The following DGCR6L variants were observed in gnomAD, a reference collection of about 807,000 sequenced individuals.
DGCR6L encodes DiGeorge syndrome critical region gene 6 like, also known as protein DGCR6L.
In DGCR6L, 24 loss-of-function variants were observed where a neutral mutation model predicts 31.1. The ratio of observed to expected loss-of-function variants is 0.77; its 90% CI spans 0.56 to 1.08. The LOEUF is 1.08. Among genes scored for constraint, DGCR6L ranks in the 50% least tolerant of loss-of-function variants. The probability of loss-of-function intolerance (pLI) is 0.00; values close to 1 mark genes in which losing one functional copy is unlikely to be tolerated. For missense variants in DGCR6L, 218 were observed against 287.1 expected, an observed-to-expected ratio of 0.76 and a Z score of 1.74; for synonymous variants, 104 against 126.1, an observed-to-expected ratio of 0.82 and a Z score of 1.17.
intron 2 of DGCR6L, chr22:20,318,801 GCA>G (rs1327665589): frequency 2.0e-5 from 3 of 152,134 alleles, no homozygotes; most frequent in African/African-American, 7.2e-5. Context: ...CCTGCAATGC[GCA>G]AGACAGCATC....
At chr22:20,318,709 T>A (rs183501428) in intron 2 of DGCR6L, 1 of 152,270 alleles carries the variant, frequency 6.6e-6, no homozygotes, top group African/African-American at 2.4e-5. Flanking sequence ...TTGCTCCCAA[T>A]CCAAGGCCAA....
intron 2 of DGCR6L, among the ~76,000 whole-genome samples, chr22:20,317,938 G>A (rs1281183278): frequency 1.3e-5 from 2 of 152,228 alleles, no homozygotes; most frequent in Admixed American, 6.5e-5. Flanking sequence ...GAAAACTGAA[G>A]AGGAGAGAAC....
chr22:20,314,741 T>G lies in DGCR6L; in HGVS notation c.597A>C (p.Gly199=). ...CAGGCGACTGCCAGGGACCTCCCAG[T>G]CCCAGGGCTGCATTCCCTGCCCGGC... is the stretch of plus-strand genomic sequence containing the variant. The part of the protein sequence containing the change: ...RGCRAGNAAL[G]LGGPWQSPAA... Residue 199 remains glycine (G), a synonymous_variant, in exon 5 of 5, where the codon GGA becomes GGC. Transcript: ENST00000248879. The G allele has an allele frequency of 6.2e-7, 1 of 1,612,238 alleles. No individual in the cohort carries two copies. The highest frequency in any genetic ancestry group is 1.1e-5 in the South Asian group (1 of 90,998).
rs1056805 is a variant in DGCR6L at position 20,314,764 on chromosome 22, G to A, written c.574C>T (p.Arg192Trp). The A allele has an allele frequency of 1.7e-5, 28 of 1,612,192 alleles. No individual in the cohort carries two copies. Among genetic ancestry groups the A allele is most frequent in the African/African-American group, 5.3e-5 (4 of 74,896 alleles). Residue 192 changes from arginine to tryptophan, a missense_variant, in exon 5 of 5, where the codon CGG (arginine) becomes TGG (tryptophan). By Grantham distance (101) the Arg-to-Trp change is moderately radical. Transcript: ENST00000248879. ...LIRKLQQRGC[R>W]AGNAALGLGG... Reference sequence around the variant, plus strand: ...AGTCCCAGGGCTGCATTCCCTGCCCGGCAGCCCCTCTGCTGCAGCTTTCGG... The same window carrying A: ...AGTCCCAGGGCTGCATTCCCTGCCCAGCAGCCCCTCTGCTGCAGCTTTCGG...
At chr22:20,319,304 G>T (rs1394471693) in intron 2 of DGCR6L, among the ~76,000 whole-genome samples, 1 of 152,234 alleles carries the variant, frequency 6.6e-6, no homozygotes, top group East Asian at 1.9e-4. Context: ...GAGGGGCAAT[G>T]CTGCTGCAGT....
chr22:20,317,984 C>T (rs2051582443), intron 2 of DGCR6L: 1 of 275,274 alleles, frequency 3.6e-6, no homozygotes, highest in Non-Finnish European at 7.3e-6. Context: ...GGCAAAAACC[C>T]TGATACCCAA....
chr22:20,318,070 A>G, intron 2 of DGCR6L: 1 of 200,228 alleles, frequency 5.0e-6, no homozygotes, highest in South Asian at 7.1e-5. Flanking sequence ...ATTTTAGCAA[A>G]TCAAATCCAG....
chr22:20,316,066 A>G (rs1303421831), intron 3 of DGCR6L, 53 bp downstream of exon 3: 16 of 1,534,714 alleles, frequency 1.0e-5, no homozygotes, highest in Non-Finnish European at 1.4e-5. Context: ...CAGCAGAGCC[A>G]GGTGGTGCCC....
At position 20,319,970 on chromosome 22, in the gene DGCR6L, C is replaced by A. The variant is rs1286791345; in HGVS notation, c.19G>T (p.Ala7Ser). The change falls in exon 1 of 5, where the codon GCC (alanine) becomes TCC (serine). Residue 7 changes from alanine (A) to serine (S), a missense_variant. By Grantham distance (99) the Ala-to-Ser change is moderately conservative. This residue lies in a region of DGCR6L where 77 missense variants were observed against 71.2 expected (regional missense o/e 1.08). Transcript: ENST00000248879. ...GCACCGTCCGCCACCTCCTCCAAGG[C>A]GGCCGCGTAGCGCTCCATGGCGCGG... MERYAAALEEVADGARQ... is the reference protein window; with the variant it reads MERYAASLEEVADGARQ... The A allele has an allele frequency of 1.3e-6, 2 of 1,599,760 alleles. No homozygotes were observed. The highest frequency in any genetic ancestry group is 1.1e-5 in the South Asian group (1 of 89,514).
intron 2 of DGCR6L, chr22:20,318,190 C>G (rs921766899): frequency 1.3e-5 from 2 of 152,526 alleles, no homozygotes; most frequent in African/African-American, 2.4e-5. Context: ...CAAGAGCTGC[C>G]GAAAAGGGAA....
chr22:20,314,933 C>T (rs1210874361), intron 4 of DGCR6L, 109 bp from the exon 5 acceptor site: 1 of 1,568,118 alleles, frequency 6.4e-7, no homozygotes, highest in Non-Finnish European at 8.6e-7. Context: ...CCTGTGAAGC[C>T]TGGTCATGGC....
chr22:20,315,821 C>A (rs1232405957), intron 3 of DGCR6L, among the ~76,000 whole-genome samples: 1 of 152,200 alleles, frequency 6.6e-6, no homozygotes, highest in Non-Finnish European at 1.5e-5. Context: ...GGCCCCAACA[C>A]CCTACCATTG....
In DGCR6L at chr22:20,319,604, A is replaced by C. The variant is rs776556218; in HGVS notation, c.271+35T>G. 3.7e-6 allele frequency: 6 copies of C among 1,605,732 alleles called. No homozygotes were observed. In the South Asian group the frequency reaches 5.5e-5, roughly 15 times the overall value. On this transcript the variant is annotated intron_variant, in intron 2 of 4. Transcript: ENST00000248879. ...GAGCTGCCCGGAGGCGCCGACCCGG[A>C]GGAGGCGGCACCTCATCCCGCTGCC...
Position 20,319,869 on chromosome 22 carries a change from G to C in DGCR6L, c.110+10C>G. 3.7e-6 allele frequency: 6 copies of C among 1,607,114 alleles called. No individual in the cohort carries two copies. Among genetic ancestry groups the C allele is most frequent in the Non-Finnish European group, 5.1e-6 (6 of 1,177,472 alleles). ...GCCTCCGCAGGCCTCCGCCCGCCCC[G>C]CCTGCGTACCTGGGCAACTCCTTCA... is the stretch of plus-strand genomic sequence containing the variant. On this transcript the variant is annotated intron_variant, in intron 1 of 4. Transcript: ENST00000248879.
intron 2 of DGCR6L, 151 bp downstream of exon 2, chr22:20,319,488 C>G (rs767542763): frequency 9.5e-6 from 13 of 1,374,234 alleles, no homozygotes; most frequent in Non-Finnish European, 1.3e-5. Context: ...CAAAAAGGCG[C>G]TGTCTCAGTC....
chr22:20,319,558 G>A, intron 2 of DGCR6L, 81 bp downstream of exon 2: 1 of 1,538,980 alleles, frequency 6.5e-7, no homozygotes, highest in Non-Finnish European at 8.7e-7. Context: ...CAAGGAAGGA[G>A]CTGATCTGCA....
At chr22:20,317,457 G>A (rs1159788409) in intron 2 of DGCR6L, among the ~76,000 whole-genome samples, 3 of 152,262 alleles carry the variant, frequency 2.0e-5, no homozygotes, top group Non-Finnish European at 4.4e-5. Context: ...ACACAAAGGA[G>A]GCAGGAGCAG....
intron 2 of DGCR6L, among the ~76,000 whole-genome samples, chr22:20,317,036 C>T (rs1221745710): frequency 6.6e-6 from 1 of 152,168 alleles, no homozygotes; most frequent in East Asian, 1.9e-4. Flanking sequence ...TACAGCTCCC[C>T]AGGAGGGAGG....
In DGCR6L at chr22:20,314,771, C is replaced by T; in HGVS notation, c.567G>A (p.Arg189=). The change falls in exon 5 of 5, where the codon AGG becomes AGA. Residue 189 remains arginine, a synonymous_variant. Transcript: ENST00000248879. ...GGGCTGCATTCCCTGCCCGGCAGCC[C>T]CTCTGCTGCAGCTTTCGGATGAGTT... ...LLELIRKLQQ[R]GCRAGNAALG... is the part of the protein sequence containing the mutation. The T allele has an allele frequency of 6.2e-7, 1 of 1,612,434 alleles. No individual in the cohort carries two copies. The highest frequency in any genetic ancestry group is 2.2e-5 in the East Asian group (1 of 44,878).
Sources: allele counts gnomAD v4.1 joint callset (sites outside exome capture counted in the v4.1 genomes callset), GRCh38; gene constraint gnomAD v4.1.1; regional missense constraint gnomAD v4.1.1; transcripts MANE v1.5; gene names NCBI Gene and HGNC (gene_info 2026-07-23, HGNC 2026-07-21).